The following ESRRG variants were observed in gnomAD, a reference collection of about 807,000 sequenced individuals.
The protein encoded by ESRRG is estrogen-related receptor gamma.
A neutral mutation model predicts 44.0 loss-of-function variants in ESRRG; 13 were observed. That is an observed-to-expected ratio of 0.30 (90% CI 0.19 to 0.47). The LOEUF (loss-of-function observed/expected upper bound fraction) is 0.47, where lower values mean the gene tolerates loss of function less well. Ranked by LOEUF, ESRRG falls within the 20% of genes least tolerant of loss-of-function variation. The pLI is 1.00. For synonymous variants in ESRRG, 215 were observed against 214.6 expected (o/e 1.00, Z -0.02); for missense variants, 395 against 580.6 (o/e 0.68, Z 3.29).
At chr1:217,020,632 G>A (rs564190674) in intron 1 of ESRRG, among the ~76,000 whole-genome samples, 2 of 152,098 alleles carry the variant, frequency 1.3e-5, no homozygotes, top group East Asian at 1.9e-4. Flanking sequence ...GTTCAAGGGG[G>A]GCAAGGACAA....
At chr1:216,675,856 C>T (rs2076017669) in intron 2 of ESRRG, among the ~76,000 whole-genome samples, 1 of 152,198 alleles carries the variant, frequency 6.6e-6, no homozygotes, top group Non-Finnish European at 1.5e-5. Context: ...TTACATTAAG[C>T]ATCACCTAGG....
At chr1:216,939,847 T>C (rs1037167533) in intron 1 of ESRRG, among the ~76,000 whole-genome samples, 8 of 152,192 alleles carry the variant, frequency 5.3e-5, no homozygotes, top group African/African-American at 1.9e-4. Context: ...TCTTTGATTT[T>C]CCTACACATA....
At chr1:216,919,916 TCTAAGA>T (rs1318436947) in intron 2 of ESRRG, among the ~76,000 whole-genome samples, 1 of 152,192 alleles carries the variant, frequency 6.6e-6, no homozygotes, top group African/African-American at 2.4e-5. Context: ...TTCTAATAAG[TCTAAGA>T]CTGAGTATCA....
intron 1 of ESRRG, among the ~76,000 whole-genome samples, chr1:216,977,015 A>G (rs754362667): frequency 1.3e-5 from 2 of 152,130 alleles, no homozygotes; most frequent in African/African-American, 2.4e-5. Context: ...CTCACTTAGT[A>G]TAAGTCATGC....
intron 3 of ESRRG, among the ~76,000 whole-genome samples, chr1:216,635,216 C>G (rs1279337930): frequency 6.6e-6 from 1 of 152,120 alleles, no homozygotes; most frequent in African/African-American, 2.4e-5. Context: ...GGAGAAAGAG[C>G]AGAGAAGAGA....
intron 1 of ESRRG, among the ~76,000 whole-genome samples, chr1:216,968,858 A>C (rs1310902178): frequency 1.3e-5 from 2 of 152,252 alleles, no homozygotes; most frequent in Admixed American, 6.5e-5. Flanking sequence ...TGAACATGGA[A>C]TATCTCCATT....
intron 1 of ESRRG, among the ~76,000 whole-genome samples, chr1:216,960,346 C>T (rs781452932): frequency 2.6e-5 from 4 of 152,080 alleles, no homozygotes; most frequent in African/African-American, 7.2e-5. Flanking sequence ...ACCTGTGGAC[C>T]CTTCCTCAAT....
chr1:216,708,261 G>A (rs1159721906), intron 1 of ESRRG, among the ~76,000 whole-genome samples: 1 of 152,012 alleles, frequency 6.6e-6, no homozygotes, highest in Non-Finnish European at 1.5e-5. Context: ...AAACTAGTAT[G>A]TAATTACAAT....
chr1:217,116,797 C>T (rs1160866272), intron 1 of ESRRG, among the ~76,000 whole-genome samples: 7 of 152,162 alleles, frequency 4.6e-5, no homozygotes. Flanking sequence ...CTCTCTCTCT[C>T]CCTACATCAG....
chr1:216,663,014 C>T (rs937041210), intron 2 of ESRRG, among the ~76,000 whole-genome samples: 10 of 152,168 alleles, frequency 6.6e-5, no homozygotes, highest in African/African-American at 1.2e-4. Flanking sequence ...TTCTTGCTCA[C>T]GACTCTGTAA....
upstream of ESRRG, among the ~76,000 whole-genome samples, chr1:217,092,234 C>G (rs1352844085): frequency 1.3e-5 from 2 of 152,190 alleles, no homozygotes; most frequent in African/African-American, 4.8e-5. Flanking sequence ...TTTCCGGCTT[C>G]ATCCAAAATA....
chr1:216,825,292 C>T (rs2095371304), intron 2 of ESRRG, among the ~76,000 whole-genome samples: 1 of 152,186 alleles, frequency 6.6e-6, no homozygotes, highest in Non-Finnish European at 1.5e-5. Context: ...CTCAGAAGAA[C>T]AGTGCTTGGA....
At chr1:217,054,951 G>T (rs1207001609) in intron 1 of ESRRG, among the ~76,000 whole-genome samples, 3 of 152,116 alleles carry the variant, frequency 2.0e-5, no homozygotes, top group Non-Finnish European at 4.4e-5. Context: ...ATTAATGGGG[G>T]CCTACCAAGT....
At chr1:217,115,800 C>A (rs1041840208) in intron 1 of ESRRG, among the ~76,000 whole-genome samples, 1 of 152,054 alleles carries the variant, frequency 6.6e-6, no homozygotes, top group African/African-American at 2.4e-5. Flanking sequence ...TTCTTCTTGT[C>A]GATCTACCTA....
chr1:217,039,827 A>G (rs1381327895), intron 1 of ESRRG, among the ~76,000 whole-genome samples: 1 of 152,138 alleles, frequency 6.6e-6, no homozygotes, highest in Non-Finnish European at 1.5e-5. Flanking sequence ...TCCTCCTACA[A>G]TTTGAAGACT....
chr1:216,590,633 A>C (rs1299746080), intron 3 of ESRRG, among the ~76,000 whole-genome samples: 2 of 152,206 alleles, frequency 1.3e-5, no homozygotes, highest in Non-Finnish European at 2.9e-5. Context: ...AATTTTGGAG[A>C]AAATGAAGGC....
intron 3 of ESRRG, among the ~76,000 whole-genome samples, chr1:216,592,003 G>A (rs999447765): frequency 2.0e-5 from 3 of 152,194 alleles, no homozygotes; most frequent in Non-Finnish European, 4.4e-5. Flanking sequence ...AATGTCATCA[G>A]TAATGAGACA....
At chr1:216,520,133 G>T (rs776382051) in intron 5 of ESRRG, among the ~76,000 whole-genome samples, 1 of 152,096 alleles carries the variant, frequency 6.6e-6, no homozygotes, top group Admixed American at 6.6e-5. Flanking sequence ...TATTTAAAAA[G>T]TTAAATATAA....
intron 1 of ESRRG, among the ~76,000 whole-genome samples, chr1:217,099,503 T>C (rs2092475030): frequency 1.3e-5 from 2 of 152,146 alleles, no homozygotes; most frequent in African/African-American, 4.8e-5. Context: ...TGAAATCTAA[T>C]ATAATGTGGA....
Sources: gnomAD v4.1 joint callset for allele counts (sites outside exome capture counted in the v4.1 genomes callset) on GRCh38, gnomAD v4.1.1 for gene constraint, MANE v1.5 for transcripts, NCBI Gene and HGNC (gene_info 2026-07-23, HGNC 2026-07-21) for gene names.